Variants in LDLRAD3 observed in about 807,000 individuals in gnomAD.
LDLRAD3 encodes low-density lipoprotein receptor class A domain-containing protein 3.
LDLRAD3 carries 20 observed loss-of-function variants against 29.4 expected under a neutral mutation model. The observed-to-expected ratio is 0.68, with a 90% CI of 0.48 to 0.99. The LOEUF (loss-of-function observed/expected upper bound fraction) is 0.99, where lower values mean the gene tolerates loss of function less well. Ranked by LOEUF, LDLRAD3 falls within the 50% of genes least tolerant of loss-of-function variation. The pLI, the probability that LDLRAD3 is intolerant of heterozygous loss-of-function variation, is 0.00. For synonymous variants in LDLRAD3, 157 were observed against 192.7 expected (o/e 0.81, Z 1.53); for missense variants, 420 against 454.3 (o/e 0.92, Z 0.69).
intron 1 of LDLRAD3, among the ~76,000 whole-genome samples, chr11:35,949,555 G>A (rs1851105093): frequency 6.6e-6 from 1 of 152,120 alleles, no homozygotes; most frequent in African/African-American, 2.4e-5. Context: ...CAGGTGCTTG[G>A]GAAAATCATC....
chr11:36,058,574 A>G (rs1344955190), intron 2 of LDLRAD3, among the ~76,000 whole-genome samples: 2 of 152,148 alleles, frequency 1.3e-5, no homozygotes, highest in African/African-American at 2.4e-5. Flanking sequence ...AATGTCTGAG[A>G]TGATCTTACC....
chr11:36,194,970 G>A (rs989638524), intron 4 of LDLRAD3, among the ~76,000 whole-genome samples: 1 of 152,150 alleles, frequency 6.6e-6, no homozygotes, highest in African/African-American at 2.4e-5. Context: ...GCTCATCACT[G>A]GGCTTGCATT....
At chr11:36,099,042 C>T (rs1032106464) in intron 4 of LDLRAD3, among the ~76,000 whole-genome samples, 2 of 152,158 alleles carry the variant, frequency 1.3e-5, no homozygotes, top group African/African-American at 4.8e-5. Context: ...ACAACCTCCC[C>T]AAATGCTTTC....
At chr11:36,076,752 T>C (rs1853017205) in intron 2 of LDLRAD3, among the ~76,000 whole-genome samples, 2 of 152,216 alleles carry the variant, frequency 1.3e-5, no homozygotes, top group South Asian at 2.1e-4. Flanking sequence ...TATTTACATA[T>C]TTGTTCACCC....
At chr11:36,109,691 T>G (rs1376507303) in intron 4 of LDLRAD3, among the ~76,000 whole-genome samples, 1 of 152,080 alleles carries the variant, frequency 6.6e-6, no homozygotes, top group Admixed American at 6.5e-5. Flanking sequence ...GTGCAGGGCA[T>G]GTGATAGGAG....
intron 1 of LDLRAD3, among the ~76,000 whole-genome samples, chr11:35,996,268 C>T (rs777345208): frequency 5.3e-5 from 8 of 152,082 alleles, no homozygotes; most frequent in East Asian, 1.9e-4. Flanking sequence ...ATTATTGTTG[C>T]GTCTCAAGGA....
intron 2 of LDLRAD3, among the ~76,000 whole-genome samples, chr11:36,078,336 C>G (rs1314850878): frequency 1.3e-5 from 2 of 152,198 alleles, no homozygotes; most frequent in Non-Finnish European, 2.9e-5. Flanking sequence ...CAGGTTTGTA[C>G]CAACGGGCAC....
intron 4 of LDLRAD3, among the ~76,000 whole-genome samples, chr11:36,116,582 T>C (rs1853677428): frequency 6.6e-6 from 1 of 152,126 alleles, no homozygotes; most frequent in Non-Finnish European, 1.5e-5. Context: ...GCACCTGGGA[T>C]GCATCCTTGG....
At chr11:36,179,963 C>G (rs956699296) in intron 4 of LDLRAD3, among the ~76,000 whole-genome samples, 1 of 152,146 alleles carries the variant, frequency 6.6e-6, no homozygotes, top group African/African-American at 2.4e-5. Flanking sequence ...CCACCGCACT[C>G]TAGCCTAGAC....
At chr11:36,227,461 G>A in intron 5 of LDLRAD3, 31 bp downstream of exon 5, 1 of 1,476,116 alleles carries the variant, frequency 6.8e-7, no homozygotes, top group East Asian at 2.3e-5. Context: ...ATTGAGGCGG[G>A]AGAGGTCATC....
intron 2 of LDLRAD3, among the ~76,000 whole-genome samples, chr11:36,074,608 T>G (rs1316083084): frequency 1.3e-5 from 2 of 152,196 alleles, no homozygotes; most frequent in Non-Finnish European, 2.9e-5. Flanking sequence ...CTAGGTTTTA[T>G]TCTAACGTAA....
intron 4 of LDLRAD3, among the ~76,000 whole-genome samples, chr11:36,102,546 T>G (rs1258601975): frequency 6.6e-6 from 1 of 152,200 alleles, no homozygotes; most frequent in East Asian, 1.9e-4. Context: ...ATCCTTGGCC[T>G]TGAAAACTAA....
intron 2 of LDLRAD3, among the ~76,000 whole-genome samples, chr11:36,064,966 T>C (rs1048077919): frequency 6.6e-6 from 1 of 152,238 alleles, no homozygotes; most frequent in South Asian, 2.1e-4. Flanking sequence ...GAATGTTTCA[T>C]GTATGCTTGG....
chr11:35,997,365 T>TGATA, intron 1 of LDLRAD3: 1 of 460,076 alleles, frequency 2.2e-6, no homozygotes, highest in Non-Finnish European at 4.3e-6. Flanking sequence ...TCATCAAAAG[T>TGATA]GATATTTCCA....
intron 1 of LDLRAD3, among the ~76,000 whole-genome samples, chr11:36,027,493 A>G (rs1434599288): frequency 6.6e-6 from 1 of 152,130 alleles, no homozygotes; most frequent in Non-Finnish European, 1.5e-5. Context: ...ATGCAGTTGT[A>G]TTTATCAGTC....
intron 4 of LDLRAD3, among the ~76,000 whole-genome samples, chr11:36,128,970 A>T (rs79893417): frequency 0.022 from 3,389 of 152,148 alleles, 121 homozygotes; most frequent in African/African-American, 0.078. Flanking sequence ...AGTCTACATG[A>T]GGGATGGTGG....
chr11:36,130,327 C>T (rs544623952), intron 4 of LDLRAD3, among the ~76,000 whole-genome samples: 20 of 152,190 alleles, frequency 1.3e-4, no homozygotes, highest in African/African-American at 3.4e-4. Flanking sequence ...ATGGGGCTGA[C>T]GGGATAGAAC....
At chr11:36,122,238 T>C (rs541525330) in intron 4 of LDLRAD3, among the ~76,000 whole-genome samples, 1 of 152,136 alleles carries the variant, frequency 6.6e-6, no homozygotes, top group Non-Finnish European at 1.5e-5. Flanking sequence ...CTGTGCTGTG[T>C]GCCCAAGCGA....
At chr11:36,012,946 A>G (rs1034750700) in intron 1 of LDLRAD3, among the ~76,000 whole-genome samples, 3 of 152,228 alleles carry the variant, frequency 2.0e-5, no homozygotes, top group Non-Finnish European at 4.4e-5. Context: ...TGCAGTTTCA[A>G]TTCTATTTCC....
Sources: allele counts gnomAD v4.1 joint callset (sites outside exome capture counted in the v4.1 genomes callset), GRCh38; gene constraint gnomAD v4.1.1; transcripts MANE v1.5; gene names NCBI Gene and HGNC (gene_info 2026-07-23, HGNC 2026-07-21).